BRAF: variants seen among roughly 807,000 people sequenced by gnomAD.
BRAF encodes serine/threonine-protein kinase B-raf.
BRAF carries 16 observed loss-of-function variants against 104.6 expected under a neutral mutation model. The ratio of observed to expected loss-of-function variants is 0.15; its 90% CI spans 0.10 to 0.23. BRAF has a LOEUF of 0.23. BRAF is among the 10% of genes least tolerant of loss of function. The pLI is 1.00. For missense variants in BRAF, 541 were observed against 937.3 expected (o/e 0.58, Z 5.52); for synonymous variants, 310 against 341.6 (o/e 0.91, Z 1.02).
chr7:140,800,596 TA>T lies in BRAF; in HGVS notation c.861-116del, dbSNP rs978273644. On this transcript the variant is annotated intron_variant, in intron 6 of 19. Coordinates refer to ENST00000644969, the MANE Select transcript of BRAF (RefSeq NM_001374258.1). ...AAATTCCATTCTCAGAAACAACTGT[TA>T]AAATTCAATTAGTTGTATTTTTGTC... The T allele has an allele frequency of 1.7e-5, 26 of 1,511,680 alleles. No individual in the cohort carries two copies. The Middle Eastern group carries it at 8.5e-4, about 50-fold the overall frequency. 93.6% of individuals were successfully genotyped at this position (1,511,680 alleles called of 1,614,324 possible).
intron 2 of BRAF, among the ~76,000 whole-genome samples, chr7:140,838,974 G>C (rs1479490033): frequency 6.6e-6 from 1 of 151,942 alleles, no homozygotes; most frequent in East Asian, 1.9e-4. Flanking sequence ...CTTTAAAAAA[G>C]TGAATAATAT....
Position 140,801,441 on chromosome 7 carries a change from T to C in BRAF, c.831A>G (p.Pro277=). 1 of 1,613,960 alleles carries C rather than the reference T, an allele frequency of 6.2e-7. No homozygotes were observed. Among genetic ancestry groups the C allele is most frequent in the Non-Finnish European group, 8.5e-7 (1 of 1,179,880 alleles). ...GTTGGTCATAATTAACACACATCAGTGGAACTTCTGTACTACAACGCTGGT... is the reference window on the plus strand; with the variant it reads ...GTTGGTCATAATTAACACACATCAGCGGAACTTCTGTACTACAACGCTGGT... ...KFHQRCSTEV[P]LMCVNYDQLD... Residue 277 remains proline, a synonymous_variant, in exon 6 of 20, where the codon CCA becomes CCG. Coordinates refer to ENST00000644969, the MANE Select transcript of BRAF (RefSeq NM_001374258.1).
chr7:140,897,163 TAAAC>T (rs1476108004), intron 1 of BRAF, among the ~76,000 whole-genome samples: 5 of 150,956 alleles, frequency 3.3e-5, no homozygotes, highest in Non-Finnish European at 7.4e-5. Flanking sequence ...TTGCCGCAAA[TAAAC>T]AAAGAGAAGA....
In BRAF at chr7:140,724,553, A is replaced by G; in HGVS notation, c.*1941T>C. The G allele has an allele frequency of 9.6e-7, 1 of 1,042,774 alleles. No individual in the cohort carries two copies. Among genetic ancestry groups the G allele is most frequent in the Non-Finnish European group, 1.2e-6 (1 of 864,954 alleles). The allele number at this position is 1,042,774 out of a possible 1,614,324, so 64.6% of individuals were successfully genotyped here. A position where few individuals can be genotyped will look rare whatever the true frequency, so the allele number is the denominator to read the frequency against. On this transcript the variant is annotated 3_prime_UTR_variant, in exon 20 of 20. Transcript: ENST00000644969. Reference sequence around the variant, plus strand: ...TTTCAAACTGATTAATAACTTAAGGATCTTTTCCATTTTACTAGGACAACC... The same window carrying G: ...TTTCAAACTGATTAATAACTTAAGGGTCTTTTCCATTTTACTAGGACAACC...
chr7:140,847,394 C>T (rs1202893784), intron 2 of BRAF, among the ~76,000 whole-genome samples: 1 of 151,988 alleles, frequency 6.6e-6, no homozygotes, highest in African/African-American at 2.4e-5. Context: ...ACCAGACTGG[C>T]CAACATGCTG....
intron 8 of BRAF, among the ~76,000 whole-genome samples, chr7:140,792,036 G>A (rs1802018756): frequency 6.6e-6 from 1 of 152,092 alleles, no homozygotes. Flanking sequence ...AAATAAGAAA[G>A]TCTACGTAAA....
intron 3 of BRAF, among the ~76,000 whole-genome samples, chr7:140,809,795 T>C (rs1804035321): frequency 6.6e-6 from 1 of 152,010 alleles, no homozygotes; most frequent in African/African-American, 2.4e-5. Flanking sequence ...AGAAAATCTG[T>C]TATAGAATGA....
In BRAF at chr7:140,723,298, G is replaced by A. The variant is rs1795413826; in HGVS notation, c.*3196C>T. On this transcript the variant is annotated 3_prime_UTR_variant, in exon 20 of 20. Coordinates refer to ENST00000644969, the MANE Select transcript of BRAF (RefSeq NM_001374258.1). Reference sequence around the variant, plus strand: ...CCAGAAGCTAGGAAATATTTACAAAGTTTCAGGTTGACAGTGCTGCAGTCT... The same window carrying A: ...CCAGAAGCTAGGAAATATTTACAAAATTTCAGGTTGACAGTGCTGCAGTCT... The A allele has an allele frequency of 2.8e-6, 3 of 1,056,018 alleles. No homozygotes were observed. The highest frequency in any genetic ancestry group is 4.6e-5 in the South Asian group (1 of 21,904). The allele number at this position is 1,056,018 out of a possible 1,614,324, so 65.4% of individuals were successfully genotyped here. A position where few individuals can be genotyped will look rare whatever the true frequency, so the allele number is the denominator to read the frequency against.
intron 10 of BRAF, among the ~76,000 whole-genome samples, chr7:140,784,714 G>A (rs979493125): frequency 3.3e-5 from 5 of 150,774 alleles, no homozygotes; most frequent in Non-Finnish European, 7.4e-5. Flanking sequence ...GTGTGATCTC[G>A]GCTCACTGCA....
At chr7:140,793,171 A>C (rs952086953) in intron 8 of BRAF, among the ~76,000 whole-genome samples, 1 of 152,214 alleles carries the variant, frequency 6.6e-6, no homozygotes, top group African/African-American at 2.4e-5. Context: ...CCAACATACC[A>C]GGGAACAGTG....
chr7:140,874,254 T>G (rs886520617), intron 1 of BRAF, among the ~76,000 whole-genome samples: 3 of 146,026 alleles, frequency 2.1e-5, no homozygotes, highest in Non-Finnish European at 4.5e-5. Context: ...CAGACTGGAG[T>G]GCAGTGGCGC....
chr7:140,906,154 T>C (rs367959231), intron 1 of BRAF, among the ~76,000 whole-genome samples: 7 of 151,702 alleles, frequency 4.6e-5, no homozygotes, highest in African/African-American at 1.5e-4. Flanking sequence ...ATTAATACTT[T>C]CTACCTTTCT....
chr7:140,900,352 A>G (rs1815458902), intron 1 of BRAF, among the ~76,000 whole-genome samples: 1 of 152,188 alleles, frequency 6.6e-6, no homozygotes, highest in Non-Finnish European at 1.5e-5. Flanking sequence ...TTTTTCTAAA[A>G]GCTTTCAGGG....
intron 2 of BRAF, among the ~76,000 whole-genome samples, chr7:140,844,945 A>G (rs963525163): frequency 2.0e-5 from 3 of 152,066 alleles, no homozygotes; most frequent in Non-Finnish European, 4.4e-5. Context: ...ATCTCAAGGG[A>G]TCCTGAATAG....
intron 1 of BRAF, among the ~76,000 whole-genome samples, chr7:140,894,488 A>AT (rs1366230003): frequency 6.6e-6 from 1 of 152,116 alleles, no homozygotes; most frequent in Non-Finnish European, 1.5e-5. Context: ...ATGGAAAAAA[A>AT]TTTTTTTAAT....
chr7:140,855,784 C>CTGAGGCA (rs1809713653), intron 1 of BRAF, among the ~76,000 whole-genome samples: 1 of 151,910 alleles, frequency 6.6e-6, no homozygotes, highest in East Asian at 1.9e-4. Flanking sequence ...CTTTGGGAGG[C>CTGAGGCA]TGAGGCAGGT....
At chr7:140,819,851 G>C (rs1805290650) in intron 3 of BRAF, among the ~76,000 whole-genome samples, 2 of 152,086 alleles carry the variant, frequency 1.3e-5, no homozygotes, top group South Asian at 4.2e-4. Context: ...ACTGCTAACG[G>C]GTACAGTGTT....
chr7:140,880,142 T>C (rs1215513669), intron 1 of BRAF, among the ~76,000 whole-genome samples: 3 of 152,218 alleles, frequency 2.0e-5, no homozygotes, highest in Admixed American at 1.3e-4. Flanking sequence ...TGAACCACAG[T>C]AGAACTACTT....
intron 18 of BRAF, among the ~76,000 whole-genome samples, chr7:140,736,093 T>C (rs1424216724): frequency 6.7e-6 from 1 of 149,074 alleles, no homozygotes; most frequent in East Asian, 2.0e-4. Context: ...TTTTTTGAGA[T>C]GGAGTCTCAC....
Sources: gnomAD v4.1 joint callset for allele counts (sites outside exome capture counted in the v4.1 genomes callset) on GRCh38, gnomAD v4.1.1 for gene constraint, MANE v1.5 for transcripts, NCBI Gene and HGNC (gene_info 2026-07-23, HGNC 2026-07-21) for gene names.